CACNA1S: variants seen among roughly 807,000 people sequenced by gnomAD.
CACNA1S encodes the protein calcium voltage-gated channel subunit alpha1 S.
A neutral mutation model predicts 207.4 loss-of-function variants in CACNA1S; 126 were observed. The observed-to-expected ratio is 0.61, with a 90% CI of 0.53 to 0.70. The LOEUF (loss-of-function observed/expected upper bound fraction) is 0.70, where lower values mean the gene tolerates loss of function less well. Among genes scored for constraint, CACNA1S ranks in the 30% least tolerant of loss-of-function variants. The pLI is 0.00. For missense variants in CACNA1S, 2,349 were observed against 2,422.8 expected, an observed-to-expected ratio of 0.97 and a Z score of 0.64; for synonymous variants, 960 against 932.7, an observed-to-expected ratio of 1.03 and a Z score of -0.53.
At chr1:201,061,732 T>C (rs1341712374) in intron 24 of CACNA1S, among the ~76,000 whole-genome samples, 1 of 152,210 alleles carries the variant, frequency 6.6e-6, no homozygotes, top group East Asian at 1.9e-4. Context: ...CATACACCTA[T>C]GGGGGACTGC....
chr1:201,069,626 A>C, intron 17 of CACNA1S, 25 bp from the exon 18 acceptor site: 1 of 1,550,640 alleles, frequency 6.4e-7, no homozygotes, highest in Non-Finnish European at 8.7e-7. Context: ...TAGGGAGGGC[A>C]GGGGAGCTGT....
In CACNA1S at chr1:201,073,588, C is replaced by T. The variant is rs1334332867; in HGVS notation, c.2118G>A (p.Glu706=). The change falls in exon 15 of 44, where the codon GAG becomes GAA. Residue 706 remains glutamate, a synonymous_variant. Coordinates refer to ENST00000362061, the MANE Select transcript of CACNA1S (RefSeq NM_000069.3). ...GGATGCCCTCACCCTTGGGTTTCTGCTCCAGCTTCTTGGCCATCGTTGACT... is the reference window on the plus strand; with the variant it reads ...GGATGCCCTCACCCTTGGGTTTCTGTTCCAGCTTCTTGGCCATCGTTGACT... ...EEKSTMAKKL[E]QKPKGEGIPT... The T allele has an allele frequency of 6.2e-7, 1 of 1,614,242 alleles. No individual in the cohort carries two copies. Among genetic ancestry groups the T allele is most frequent in the East Asian group, 2.2e-5 (1 of 44,890 alleles).
In CACNA1S at chr1:201,066,084, C is replaced by T. The variant is rs1661228962; in HGVS notation, c.2746-139G>A. 16 of 932,886 alleles carry T rather than the reference C, an allele frequency of 1.7e-5. No individual in the cohort carries two copies. The highest frequency in any genetic ancestry group is 2.6e-5 in the Non-Finnish European group (15 of 583,838). 57.8% of individuals were successfully genotyped at this position (932,886 alleles called of 1,614,324 possible). A position where few individuals can be genotyped will look rare whatever the true frequency, so the allele number is the denominator to read the frequency against. On this transcript the variant is annotated intron_variant, in intron 21 of 43. Transcript: ENST00000362061. The surrounding 1 kb of genome is among the most constrained non-coding windows in gnomAD (Gnocchi z 4.3). ...GGGAAAGGCTGGTGGGGAAGCATAG[C>T]TACCCCAGCCTCATCCTTACCCCTA...
At chr1:201,089,604 A>T in intron 5 of CACNA1S, 141 bp from the exon 6 acceptor site, 1 of 819,470 alleles carries the variant, frequency 1.2e-6, no homozygotes, top group Non-Finnish European at 2.0e-6. Flanking sequence ...ACAGCTTCAC[A>T]TGGAGCAGAC....
rs80338778 is a variant in CACNA1S at position 201,077,916 on chromosome 1, G to A, written c.1582C>T (p.Arg528Cys). 20 of 1,613,942 alleles carry A rather than the reference G, an allele frequency of 1.2e-5. No homozygotes were observed. The highest frequency in any genetic ancestry group is 2.7e-5 in the African/African-American group (2 of 74,916). ...AAGATCCTCAGGAGGCGGATGCAGC[G>A]GAGCACGGAGATGCCCAGGGGTGTC... ...AMTPLGISVL[R>C]CIRLLRIFKI... Residue 528 changes from arginine (R) to cysteine (C), a missense_variant, in exon 11 of 44, where the codon CGC becomes TGC. Coordinates refer to ENST00000362061, the MANE Select transcript of CACNA1S (RefSeq NM_000069.3).
At chr1:201,075,369 C>G in intron 13 of CACNA1S, 126 bp downstream of exon 13, 2 of 1,126,232 alleles carry the variant, frequency 1.8e-6, no homozygotes, top group Non-Finnish European at 2.6e-6. Flanking sequence ...CCGCATGGGC[C>G]TGGGAGCTCC....
chr1:201,107,379 C>T (rs921182130), intron 2 of CACNA1S, among the ~76,000 whole-genome samples: 2 of 152,182 alleles, frequency 1.3e-5, no homozygotes, highest in South Asian at 4.1e-4. Flanking sequence ...AATATGCTAC[C>T]ATAATATCCC....
Position 201,050,465 on chromosome 1 carries a change from G to C in CACNA1S, c.4165C>G (p.Arg1389Gly). The C allele has an allele frequency of 6.2e-7, 1 of 1,614,104 alleles. No individual in the cohort carries two copies. The highest frequency in any genetic ancestry group is 2.2e-5 in the East Asian group (1 of 44,866). Residue 1389 changes from arginine to glycine, a missense_variant, in exon 34 of 44, where the codon CGG (arginine) becomes GGG (glycine). Arg to Gly is a moderately radical substitution (Grantham distance 125). Transcript: ENST00000362061. The stretch of plus-strand genomic sequence containing the variant: ...TGAGGGCCCAGGATGGACCAGTCCC[G>C]GGTGAGGTAGTCAAAATTGTCCATG... ...VIMDNFDYLT[R>G]DWSILGPHHL... is the part of the protein sequence containing the mutation.
At chr1:201,071,638 C>G (rs746568964) in intron 16 of CACNA1S, among the ~76,000 whole-genome samples, 2 of 152,184 alleles carry the variant, frequency 1.3e-5, no homozygotes, top group Non-Finnish European at 2.9e-5. Context: ...CCCCTCCTCT[C>G]CTTACTTCTT....
At chr1:201,070,657 T>A (rs1661413170) in intron 16 of CACNA1S, among the ~76,000 whole-genome samples, 2 of 152,104 alleles carry the variant, frequency 1.3e-5, no homozygotes, top group Non-Finnish European at 1.5e-5. Context: ...CAAGCCCAAG[T>A]AACTTTGTGG....
intron 22 of CACNA1S, among the ~76,000 whole-genome samples, chr1:201,063,688 A>T (rs934981028): frequency 6.6e-6 from 1 of 152,214 alleles, no homozygotes; most frequent in African/African-American, 2.4e-5. Context: ...TCGGCCAAGG[A>T]CACAGCACTA....
In CACNA1S at chr1:201,065,821, C is replaced by T. The variant is rs371264799; in HGVS notation, c.2853+17G>A. On this transcript the variant is annotated intron_variant, in intron 22 of 43. Coordinates refer to ENST00000362061, the MANE Select transcript of CACNA1S (RefSeq NM_000069.3). ...TGGGAGCGGGAGGGGGAGCTGCTCG[C>T]GCAGGCTGGGGCTCACCTTGAAGAG... is the stretch of plus-strand genomic sequence containing the variant. 40 of 1,593,278 alleles carry T rather than the reference C, an allele frequency of 2.5e-5. No individual in the cohort carries two copies. Among genetic ancestry groups the T allele is most frequent in the African/African-American group, 1.6e-4 (12 of 74,626 alleles).
At chr1:201,089,223 G>T in intron 6 of CACNA1S, 35 bp downstream of exon 6, 1 of 1,601,650 alleles carries the variant, frequency 6.2e-7, no homozygotes, top group South Asian at 1.1e-5. Context: ...TGTGGATGAA[G>T]GGAGATGGTT....
At chr1:201,076,624 T>G (rs1661633342) in intron 12 of CACNA1S, among the ~76,000 whole-genome samples, 1 of 152,204 alleles carries the variant, frequency 6.6e-6, no homozygotes, top group South Asian at 2.1e-4. Flanking sequence ...GCATCCGGAC[T>G]CCCAGGCCAT....
chr1:201,063,358 C>T (rs368677774), intron 22 of CACNA1S, among the ~76,000 whole-genome samples: 3 of 147,198 alleles, frequency 2.0e-5, no homozygotes, highest in African/African-American at 7.6e-5. Context: ...GGTGTGATCT[C>T]GGCTCACTGC....
In CACNA1S at chr1:201,047,639, A is replaced by C. The variant is rs769221443; in HGVS notation, c.4442-13T>G. ...TGCTCAAAGTTACCTGGAGCAGGAG[A>C]AAGGCAAAAGTTACCCAGATCACAC... On this transcript the variant is annotated splice_polypyrimidine_tract_variant and intron_variant, in intron 36 of 43. Coordinates refer to ENST00000362061, the MANE Select transcript of CACNA1S (RefSeq NM_000069.3). 6.3e-7 allele frequency: 1 copy of C among 1,597,028 alleles called. No individual in the cohort carries two copies. Among genetic ancestry groups the C allele is most frequent in the Non-Finnish European group, 8.6e-7 (1 of 1,164,594 alleles).
In CACNA1S at chr1:201,051,038, G is replaced by A; in HGVS notation, c.4059C>T (p.Gly1353=). 6.2e-7 allele frequency: 1 copy of A among 1,614,220 alleles called. No homozygotes were observed. Among genetic ancestry groups the A allele is most frequent in the Non-Finnish European group, 8.5e-7 (1 of 1,180,020 alleles). The change falls in exon 33 of 44, where the codon GGC becomes GGT. Residue 1353 remains glycine (G), a synonymous_variant. Transcript: ENST00000362061. ...DYAPGEEYTC[G]TNFAYYYFIS... is the part of the protein sequence containing the mutation. Reference sequence around the variant, plus strand: ...TGAAGTAGTAGTATGCAAAGTTGGTGCCACATGTGTACTCCTCCCCTGGGG... The same window carrying A: ...TGAAGTAGTAGTATGCAAAGTTGGTACCACATGTGTACTCCTCCCCTGGGG...
At chr1:201,072,698 G>A (rs1295052663) in intron 16 of CACNA1S, 57 bp downstream of exon 16, 41 of 1,330,682 alleles carry the variant, frequency 3.1e-5, no homozygotes, top group Middle Eastern at 1.8e-4. Flanking sequence ...ATTCAGGACC[G>A]GCACACCCCT....
chr1:201,069,046 G>T, intron 19 of CACNA1S, 91 bp downstream of exon 19: 1 of 1,148,930 alleles, frequency 8.7e-7, no homozygotes, highest in Non-Finnish European at 1.3e-6. Context: ...CCTCTTTTCT[G>T]CTTCTCTCCA....
Sources: gnomAD v4.1 joint callset for allele counts (sites outside exome capture counted in the v4.1 genomes callset) on GRCh38, gnomAD v4.1.1 for gene constraint, Gnocchi (gnomAD v3.1) non-coding constraint, MANE v1.5 for transcripts, NCBI Gene and HGNC (gene_info 2026-07-23, HGNC 2026-07-21) for gene names.